The following FNDC3B variants were observed in gnomAD, a reference collection of about 807,000 sequenced individuals.
The protein encoded by FNDC3B is fibronectin type III domain containing 3B.
A neutral mutation model predicts 151.5 loss-of-function variants in FNDC3B; 12 were observed. The observed-to-expected ratio is 0.08, with a 90% confidence interval of 0.05 to 0.13. FNDC3B has a LOEUF of 0.13. FNDC3B is among the 10% of genes least tolerant of loss of function. The pLI, the probability that FNDC3B is intolerant of heterozygous loss-of-function variation, is 1.00. For synonymous variants in FNDC3B, 528 were observed against 549.0 expected (o/e 0.96, Z 0.54); for missense variants, 1,214 against 1,505.3 (o/e 0.81, Z 3.20).
intron 1 of FNDC3B, chr3:172,046,826 A>T (rs1348378093): frequency 1.3e-5 from 2 of 152,156 alleles, no homozygotes; most frequent in African/African-American, 4.8e-5. Context: ...ATTGACTCAG[A>T]ATGCATTTGT....
At position 172,186,222 on chromosome 3, in the gene FNDC3B, C is replaced by T. The variant is rs896620492; in HGVS notation, c.188-40649C>T. ...TGCTCTGCCTACTATAGTTTCTTTA[C>T]TATATGGAAACTGGAAAAATAAGTA... On this transcript the variant is annotated intron_variant, in intron 3 of 25. Coordinates refer to ENST00000415807, the MANE Select transcript of FNDC3B (RefSeq NM_022763.4). Among the ~76,000 whole-genome samples, 6 of 152,220 alleles carry T rather than the reference C, an allele frequency of 3.9e-5. No individual in the cohort carries two copies. The East Asian group carries it at 1.2e-3, about 29-fold the overall frequency.
At chr3:172,269,744 A>C (rs1261530681) in intron 6 of FNDC3B, among the ~76,000 whole-genome samples, 1 of 152,120 alleles carries the variant, frequency 6.6e-6, no homozygotes, top group Non-Finnish European at 1.5e-5. Context: ...TCTCGGGTTC[A>C]AGCGGTTATC....
intron 3 of FNDC3B, among the ~76,000 whole-genome samples, chr3:172,226,150 C>G (rs1726559895): frequency 1.3e-5 from 2 of 151,980 alleles, no homozygotes; most frequent in South Asian, 2.1e-4. Context: ...ACTAAAAATA[C>G]AAAAATTAGC....
At chr3:172,109,689 C>CA (rs1719864231) in intron 1 of FNDC3B, among the ~76,000 whole-genome samples, 1 of 152,208 alleles carries the variant, frequency 6.6e-6, no homozygotes, top group East Asian at 1.9e-4. Flanking sequence ...TTTGTACATA[C>CA]AGCCTCCCTG....
intron 1 of FNDC3B, among the ~76,000 whole-genome samples, chr3:172,085,782 A>C (rs561622899): frequency 2.0e-5 from 3 of 152,322 alleles, no homozygotes; most frequent in Admixed American, 2.0e-4. Context: ...TGACTGTGGA[A>C]GTGGTAGCAT....
At chr3:172,326,440 G>T (rs1195131717) in intron 11 of FNDC3B, among the ~76,000 whole-genome samples, 1 of 152,166 alleles carries the variant, frequency 6.6e-6, no homozygotes, top group African/African-American at 2.4e-5. Context: ...AATTCGGCAT[G>T]CTTTGTCTAT....
intron 11 of FNDC3B, among the ~76,000 whole-genome samples, chr3:172,325,951 G>A (rs1220238114): frequency 6.6e-6 from 1 of 152,150 alleles, no homozygotes; most frequent in Non-Finnish European, 1.5e-5. Flanking sequence ...AGCCTCCCAA[G>A]TAGCTGGGAT....
intron 3 of FNDC3B, among the ~76,000 whole-genome samples, chr3:172,195,194 A>G (rs540023506): frequency 1.3e-5 from 2 of 152,188 alleles, no homozygotes; most frequent in South Asian, 4.2e-4. Flanking sequence ...TGGCACCCCA[A>G]CCCCCACCCC....
chr3:172,245,847 G>A (rs992446114), intron 4 of FNDC3B, among the ~76,000 whole-genome samples: 16 of 151,954 alleles, frequency 1.1e-4, no homozygotes, highest in Non-Finnish European at 2.4e-4. Context: ...ATTTTAAATA[G>A]GTAATATTAT....
At chr3:172,281,336 C>G (rs544925464) in intron 6 of FNDC3B, among the ~76,000 whole-genome samples, 105 of 152,048 alleles carry the variant, frequency 6.9e-4, no homozygotes, top group Non-Finnish European at 1.4e-3. Flanking sequence ...ACCTCCACAT[C>G]CCGGGTTCAA....
chr3:172,314,446 G>A (rs1731677538), intron 11 of FNDC3B, among the ~76,000 whole-genome samples: 1 of 152,202 alleles, frequency 6.6e-6, no homozygotes, highest in South Asian at 2.1e-4. Context: ...CACCTGGTCT[G>A]AGAATCATGA....
rs573313747 is a variant in FNDC3B at position 172,401,578 on chromosome 3, C to T, written c.*4103C>T. ...ACACTGGGTGCTTCCTCTCCCCTGACGAACTCTATAGAGTGTTCATGTCCT... is the reference window on the plus strand; with the variant it reads ...ACACTGGGTGCTTCCTCTCCCCTGATGAACTCTATAGAGTGTTCATGTCCT... On this transcript the variant is annotated 3_prime_UTR_variant, in exon 26 of 26. Transcript: ENST00000415807. 6.6e-4 allele frequency: 100 copies of T among 152,400 alleles called. No individual in the cohort carries two copies. The highest frequency in any genetic ancestry group is 2.3e-3 in the African/African-American group (97 of 41,570). 9.4% of individuals were successfully genotyped at this position (152,400 alleles called of 1,614,324 possible).
At chr3:172,377,506 T>C (rs1475544918) in intron 23 of FNDC3B, among the ~76,000 whole-genome samples, 5 of 152,192 alleles carry the variant, frequency 3.3e-5, no homozygotes, top group Non-Finnish European at 5.9e-5. Flanking sequence ...ACCTAAAACA[T>C]AAGGCCTTGT....
intron 1 of FNDC3B, among the ~76,000 whole-genome samples, chr3:172,105,447 TGTAGA>T (rs1230970179): frequency 7.2e-5 from 11 of 152,148 alleles, no homozygotes; most frequent in South Asian, 2.1e-4. Context: ...TACAAGAGTA[TGTAGA>T]GTATAGTAAT....
chr3:172,214,380 A>T (rs912144190), intron 3 of FNDC3B, among the ~76,000 whole-genome samples: 1 of 152,224 alleles, frequency 6.6e-6, no homozygotes, highest in Non-Finnish European at 1.5e-5. Context: ...CAGCTGCCGG[A>T]CAACTTAGAG....
chr3:172,111,375 G>A (rs1559970740), intron 1 of FNDC3B, among the ~76,000 whole-genome samples: 1 of 152,182 alleles, frequency 6.6e-6, no homozygotes, highest in Middle Eastern at 3.4e-3. Context: ...ATTTGCTTAG[G>A]AACTGAGTAA....
At chr3:172,265,946 T>C (rs750575328) in intron 6 of FNDC3B, among the ~76,000 whole-genome samples, 3 of 152,180 alleles carry the variant, frequency 2.0e-5, no homozygotes, top group Non-Finnish European at 4.4e-5. Flanking sequence ...AACAATAAGT[T>C]AAAAGAAAAA....
intron 7 of FNDC3B, among the ~76,000 whole-genome samples, chr3:172,287,071 A>G (rs1730059959): frequency 6.6e-6 from 1 of 152,164 alleles, no homozygotes; most frequent in Non-Finnish European, 1.5e-5. Flanking sequence ...TCGGGTTTGG[A>G]TGCCTCCTCT....
At chr3:172,091,748 C>T (rs1045959561) in intron 1 of FNDC3B, among the ~76,000 whole-genome samples, 2 of 152,034 alleles carry the variant, frequency 1.3e-5, no homozygotes, top group African/African-American at 2.4e-5. Flanking sequence ...TAGGAAATAC[C>T]TCTTAACACA....
Sources: allele counts gnomAD v4.1 joint callset (sites outside exome capture counted in the v4.1 genomes callset), GRCh38; gene constraint gnomAD v4.1.1; transcripts MANE v1.5; gene names NCBI Gene and HGNC (gene_info 2026-07-23, HGNC 2026-07-21).